The following SPIDR variants were observed in gnomAD, a reference collection of about 807,000 sequenced individuals.
SPIDR encodes scaffold protein involved in DNA repair, also known as DNA repair-scaffolding protein.
In SPIDR, 93 loss-of-function variants were observed where a neutral mutation model predicts 104.6. That is an observed-to-expected ratio of 0.89 (90% CI 0.75 to 1.06). The LOEUF is 1.06. Ranked by LOEUF, SPIDR falls within the 50% of genes least tolerant of loss-of-function variation. SPIDR has a pLI of 0.00. For missense variants in SPIDR, 1,154 were observed against 1,111.2 expected (o/e 1.04, Z -0.55); for synonymous variants, 431 against 416.9 (o/e 1.03, Z -0.41).
chr8:47,287,983 G>T lies in SPIDR; in HGVS notation c.257-3050G>T, dbSNP rs1554564448. On this transcript the variant is annotated intron_variant, in intron 3 of 19. Transcript: ENST00000297423. ...ATTTATGTTCAGAGATTGAAGTAAA[G>T]AACTTGTAAAAGTATTAATTTTGGG... 2.2e-3 allele frequency among the ~76,000 whole-genome samples: 340 copies of T among 152,202 alleles called. 2 individuals are homozygous for T. The highest frequency in any genetic ancestry group is 4.0e-3 in the Non-Finnish European group (271 of 68,008).
At chr8:47,492,516 C>T (rs751633948) in intron 8 of SPIDR, among the ~76,000 whole-genome samples, 7 of 152,158 alleles carry the variant, frequency 4.6e-5, no homozygotes, top group Non-Finnish European at 1.0e-4. Flanking sequence ...CAAATGAGTG[C>T]CTTGTCATAG....
At chr8:47,304,433 A>C (rs2042775395) in intron 5 of SPIDR, among the ~76,000 whole-genome samples, 1 of 152,152 alleles carries the variant, frequency 6.6e-6, no homozygotes, top group East Asian at 1.9e-4. Flanking sequence ...TTGGGAGGCC[A>C]AGATGGGAGG....
intron 11 of SPIDR, among the ~76,000 whole-genome samples, chr8:47,680,118 T>C (rs2076917659): frequency 6.6e-6 from 1 of 152,204 alleles, no homozygotes; most frequent in Non-Finnish European, 1.5e-5. Context: ...ACCCTCGGTG[T>C]CCTCACTAAT....
At chr8:47,277,506 C>T (rs2036754724) in intron 1 of SPIDR, among the ~76,000 whole-genome samples, 1 of 151,394 alleles carries the variant, frequency 6.6e-6, no homozygotes, top group African/African-American at 2.4e-5. Flanking sequence ...GCTGGGACCA[C>T]AGATGAACAT....
chr8:47,517,976 T>TA (rs2083417473), intron 8 of SPIDR, among the ~76,000 whole-genome samples: 2 of 152,252 alleles, frequency 1.3e-5, no homozygotes. Context: ...TTCATTGTGT[T>TA]ATAGCTTTTC....
chr8:47,329,453 C>T (rs10481296), intron 5 of SPIDR, among the ~76,000 whole-genome samples: 16,676 of 152,080 alleles, frequency 0.11, 1,289 homozygotes, highest in African/African-American at 0.22. Flanking sequence ...AGTGGTCTGT[C>T]CACCTTGGCC....
chr8:47,567,780 C>CTTTTTTTTTTTTTTTTTTTTT (rs35199139), intron 8 of SPIDR, among the ~76,000 whole-genome samples: 37 of 71,016 alleles, frequency 5.2e-4, no homozygotes, highest in South Asian at 1.0e-3. Context: ...TTTTCTTTTT[C>CTTTTTTTTTTTTTTTTTTTTT]TTTTTTTTTT....
intron 5 of SPIDR, among the ~76,000 whole-genome samples, chr8:47,317,022 T>C (rs1487172115): frequency 6.6e-6 from 1 of 152,174 alleles, no homozygotes; most frequent in Admixed American, 6.5e-5. Flanking sequence ...GCTCCCAGCT[T>C]GAGCGACGTA....
At chr8:47,305,243 T>C (rs1436063507) in intron 5 of SPIDR, among the ~76,000 whole-genome samples, 8 of 152,226 alleles carry the variant, frequency 5.3e-5, no homozygotes, top group Admixed American at 4.6e-4. Flanking sequence ...GTCATTCTTA[T>C]ATACTTTATG....
intron 2 of SPIDR, among the ~76,000 whole-genome samples, chr8:47,281,196 T>G (rs1291751859): frequency 6.6e-6 from 1 of 152,196 alleles, no homozygotes; most frequent in African/African-American, 2.4e-5. Context: ...CTAACAATCA[T>G]AGGAGCCTTC....
At chr8:47,601,287 A>C (rs1013206727) in intron 10 of SPIDR, among the ~76,000 whole-genome samples, 26 of 152,238 alleles carry the variant, frequency 1.7e-4, no homozygotes, top group African/African-American at 6.3e-4. Context: ...TCCACTTTGC[A>C]GATGAGGAAA....
At chr8:47,360,359 A>G (rs1224827255) in intron 5 of SPIDR, among the ~76,000 whole-genome samples, 4 of 151,358 alleles carry the variant, frequency 2.6e-5, no homozygotes, top group Admixed American at 6.6e-5. Context: ...ATTTTCTACT[A>G]TTTCTCGGTA....
intron 5 of SPIDR, among the ~76,000 whole-genome samples, 178 bp from the exon 6 acceptor site, chr8:47,396,198 G>A (rs1410307852): frequency 6.6e-6 from 1 of 152,092 alleles, no homozygotes; most frequent in East Asian, 1.9e-4. Flanking sequence ...TCTTATCTTT[G>A]TCTTGGTTAC....
intron 11 of SPIDR, among the ~76,000 whole-genome samples, chr8:47,694,612 A>T (rs972530197): frequency 6.6e-6 from 1 of 152,134 alleles, no homozygotes; most frequent in Non-Finnish European, 1.5e-5. Context: ...TGTACGAAAA[A>T]TTTTAAAAAT....
At chr8:47,291,756 C>A (rs1436085809) in intron 4 of SPIDR, among the ~76,000 whole-genome samples, 1 of 152,184 alleles carries the variant, frequency 6.6e-6, no homozygotes, top group African/African-American at 2.4e-5. Flanking sequence ...TACACAGTGC[C>A]ACACCCACAC....
chr8:47,409,911 C>T (rs916916664), intron 7 of SPIDR, among the ~76,000 whole-genome samples: 9 of 152,078 alleles, frequency 5.9e-5, no homozygotes, highest in African/African-American at 2.2e-4. Context: ...GTCTATAGTC[C>T]TAACTACTCG....
chr8:47,685,608 C>CT (rs1004414331), intron 11 of SPIDR, among the ~76,000 whole-genome samples: 5 of 146,706 alleles, frequency 3.4e-5, no homozygotes, highest in Non-Finnish European at 7.5e-5. Context: ...GTTTTTCTTT[C>CT]TTTTTTTTTA....
chr8:47,716,799 G>A (rs2082646552), intron 16 of SPIDR, among the ~76,000 whole-genome samples: 2 of 152,186 alleles, frequency 1.3e-5, no homozygotes, highest in African/African-American at 4.8e-5. Flanking sequence ...CCACAGAAGT[G>A]CTGGGAGCAG....
At chr8:47,339,734 C>CA (rs1487613316) in intron 5 of SPIDR, among the ~76,000 whole-genome samples, 1 of 144,750 alleles carries the variant, frequency 6.9e-6, no homozygotes, top group Non-Finnish European at 1.5e-5. Flanking sequence ...GACTGGAGTG[C>CA]AATGGTGTGA....
Sources: gnomAD v4.1 joint callset for allele counts (sites outside exome capture counted in the v4.1 genomes callset) on GRCh38, gnomAD v4.1.1 for gene constraint, MANE v1.5 for transcripts, NCBI Gene and HGNC (gene_info 2026-07-23, HGNC 2026-07-21) for gene names.